SLC2A13: variants seen among roughly 807,000 people sequenced by gnomAD.
SLC2A13 encodes proton myo-inositol cotransporter.
SLC2A13 carries 32 observed loss-of-function variants against 64.4 expected under a neutral mutation model. The ratio of observed to expected loss-of-function variants is 0.50; its 90% CI spans 0.37 to 0.67. The LOEUF is 0.67. Ranked by LOEUF, SLC2A13 falls within the 30% of genes least tolerant of loss-of-function variation. The pLI, the probability that SLC2A13 is intolerant of heterozygous loss-of-function variation, is 0.00. For synonymous variants in SLC2A13, 338 were observed against 327.1 expected (o/e 1.03, Z -0.36); for missense variants, 743 against 829.2 (o/e 0.90, Z 1.28).
chr12:39,812,372 CTTTT>C (rs770705602), intron 7 of SLC2A13, among the ~76,000 whole-genome samples: 4 of 142,074 alleles, frequency 2.8e-5, no homozygotes, highest in Admixed American at 2.8e-4. Flanking sequence ...CTTTTCTTTT[CTTTT>C]CTTTTCTTTC....
Position 40,060,484 on chromosome 12 carries a change from T to C in SLC2A13, c.557-12274A>G, listed in dbSNP as rs530539175. The stretch of plus-strand genomic sequence containing the variant: ...CAACGCAGAAAGGAAAATTCCCATG[T>C]ACACTGGGTTGTTTTTTTGCTTTAG... On this transcript the variant is annotated intron_variant, in intron 1 of 9. Coordinates refer to ENST00000280871, the MANE Select transcript of SLC2A13 (RefSeq NM_052885.4). 7.2e-5 allele frequency among the ~76,000 whole-genome samples: 11 copies of C among 152,306 alleles called. No individual in the cohort carries two copies. The East Asian group carries it at 2.1e-3, about 29-fold the overall frequency.
At chr12:39,942,938 C>T (rs1431824994) in intron 4 of SLC2A13, among the ~76,000 whole-genome samples, 1 of 152,104 alleles carries the variant, frequency 6.6e-6, no homozygotes, top group Non-Finnish European at 1.5e-5. Context: ...GCTGGAGTTT[C>T]TCTGTGGATG....
intron 2 of SLC2A13, among the ~76,000 whole-genome samples, chr12:40,044,246 T>C (rs745539627): frequency 1.6e-4 from 25 of 152,166 alleles, no homozygotes; most frequent in Non-Finnish European, 3.2e-4. Flanking sequence ...TATTCATATA[T>C]GAAATATACA....
chr12:39,970,454 T>C (rs1946625992), intron 3 of SLC2A13, among the ~76,000 whole-genome samples: 1 of 152,240 alleles, frequency 6.6e-6, no homozygotes, highest in Non-Finnish European at 1.5e-5. Context: ...GATGATTCTT[T>C]TTTAATACAC....
chr12:39,838,174 A>T, intron 6 of SLC2A13, among the ~76,000 whole-genome samples: 1 of 150,348 alleles, frequency 6.7e-6, no homozygotes, highest in Non-Finnish European at 1.5e-5. Context: ...AAAAAGGATG[A>T]GTTCATGTCC....
At chr12:40,093,562 A>G (rs1938835419) in intron 1 of SLC2A13, among the ~76,000 whole-genome samples, 2 of 152,244 alleles carry the variant, frequency 1.3e-5, no homozygotes, top group South Asian at 4.1e-4. Flanking sequence ...AGAGAAAAAT[A>G]AAGCAGGGAA....
intron 3 of SLC2A13, among the ~76,000 whole-genome samples, chr12:40,017,171 G>T (rs1237418534): frequency 6.6e-6 from 1 of 152,170 alleles, no homozygotes; most frequent in Non-Finnish European, 1.5e-5. Context: ...CACGTAAACA[G>T]AAAGTCAAAG....
At chr12:39,939,734 T>G (rs1453045833) in intron 4 of SLC2A13, among the ~76,000 whole-genome samples, 1 of 152,204 alleles carries the variant, frequency 6.6e-6, no homozygotes. Flanking sequence ...TTCCAAAAAT[T>G]TTGTTGAACA....
intron 4 of SLC2A13, among the ~76,000 whole-genome samples, chr12:39,917,633 C>T (rs1056766699): frequency 6.6e-6 from 1 of 152,012 alleles, no homozygotes; most frequent in Non-Finnish European, 1.5e-5. Flanking sequence ...AGCTGAACAT[C>T]TTATCTCCTC....
rs191501626 is a variant in SLC2A13 at position 40,077,550 on chromosome 12, T to C, written c.556+27703A>G. Reference sequence around the variant, plus strand: ...ACCAGTATCATGCTGTTTTGGTTACTGTAGCCATGTAATATAGTTTGAAGT... The same window carrying C: ...ACCAGTATCATGCTGTTTTGGTTACCGTAGCCATGTAATATAGTTTGAAGT... On this transcript the variant is annotated intron_variant, in intron 1 of 9. Transcript: ENST00000280871. 3.2e-4 allele frequency among the ~76,000 whole-genome samples: 48 copies of C among 152,338 alleles called. 1 individual carries two copies. The South Asian group carries it at 8.5e-3, about 27-fold the overall frequency.
chr12:39,909,781 A>G (rs1048024024), intron 4 of SLC2A13, among the ~76,000 whole-genome samples: 1 of 151,970 alleles, frequency 6.6e-6, no homozygotes, highest in African/African-American at 2.4e-5. Flanking sequence ...TGAGAATTAA[A>G]CGAGAAACAG....
intron 9 of SLC2A13, among the ~76,000 whole-genome samples, chr12:39,761,803 A>C (rs991308980): frequency 1.3e-5 from 2 of 152,094 alleles, no homozygotes; most frequent in African/African-American, 4.8e-5. Flanking sequence ...AGATTAAACT[A>C]GGCTTCTAAA....
chr12:39,931,849 T>C (rs907754461), intron 4 of SLC2A13, among the ~76,000 whole-genome samples: 7 of 152,136 alleles, frequency 4.6e-5, no homozygotes, highest in African/African-American at 1.7e-4. Flanking sequence ...CCAAATTTAG[T>C]TGTTTTGATT....
intron 4 of SLC2A13, among the ~76,000 whole-genome samples, chr12:39,921,382 C>T (rs1945612871): frequency 6.6e-6 from 1 of 152,082 alleles, no homozygotes; most frequent in Non-Finnish European, 1.5e-5. Flanking sequence ...CTCTCCTGCC[C>T]TGGCTGTCAC....
chr12:39,818,209 G>T (rs976878003), intron 7 of SLC2A13, among the ~76,000 whole-genome samples: 1 of 151,826 alleles, frequency 6.6e-6, no homozygotes, highest in East Asian at 1.9e-4. Context: ...AAAATCATCT[G>T]ATTCCCCCAG....
intron 7 of SLC2A13, among the ~76,000 whole-genome samples, chr12:39,803,925 C>G (rs1162000689): frequency 6.6e-6 from 1 of 151,800 alleles, no homozygotes; most frequent in Admixed American, 6.6e-5. Context: ...ACACCTCTAT[C>G]AAGATACATC....
At chr12:39,770,717 T>C (rs1940533623) in intron 7 of SLC2A13, among the ~76,000 whole-genome samples, 2 of 152,180 alleles carry the variant, frequency 1.3e-5, no homozygotes, top group Admixed American at 6.5e-5. Context: ...CTAGTGCCCC[T>C]CATGACATTT....
intron 4 of SLC2A13, among the ~76,000 whole-genome samples, chr12:39,903,484 A>C (rs117791958): frequency 6.6e-6 from 1 of 152,036 alleles, no homozygotes; most frequent in African/African-American, 2.4e-5. Flanking sequence ...GAAAAATGCC[A>C]TTCTAGGCCC....
At chr12:39,897,393 A>T (rs181686235) in intron 4 of SLC2A13, among the ~76,000 whole-genome samples, 63 of 152,240 alleles carry the variant, frequency 4.1e-4, no homozygotes, top group Admixed American at 3.2e-3. Context: ...ACAATTCCCA[A>T]CTGCCTACCC....
Sources: allele counts gnomAD v4.1 joint callset (sites outside exome capture counted in the v4.1 genomes callset), GRCh38; gene constraint gnomAD v4.1.1; transcripts MANE v1.5; gene names NCBI Gene and HGNC (gene_info 2026-07-23, HGNC 2026-07-21).